The following ABCB4 variants were observed in gnomAD, a reference collection of about 807,000 sequenced individuals.
The protein encoded by ABCB4 is ATP binding cassette subfamily B member 4, also known as phosphatidylcholine translocator ABCB4.
In ABCB4, 76 loss-of-function variants were observed where a neutral mutation model predicts 145.7. The ratio of observed to expected loss-of-function variants is 0.52; its 90% CI spans 0.43 to 0.63. ABCB4 has a LOEUF of 0.63. Ranked by LOEUF, ABCB4 falls within the 30% of genes least tolerant of loss-of-function variation. The pLI is 0.00. For synonymous variants in ABCB4, 517 were observed against 566.8 expected, an observed-to-expected ratio of 0.91 and a Z score of 1.25; for missense variants, 1,234 against 1,553.1, an observed-to-expected ratio of 0.79 and a Z score of 3.45.
intron 4 of ABCB4, among the ~76,000 whole-genome samples, chr7:87,461,635 G>GA (rs1285374725): frequency 1.3e-5 from 2 of 151,932 alleles, no homozygotes; most frequent in Non-Finnish European, 2.9e-5. Context: ...TTATAAAGAG[G>GA]TTTTTTTCAG....
the ABCB4 span, among the ~76,000 whole-genome samples, chr7:87,388,225 A>G: frequency 1.3e-5 from 2 of 152,096 alleles, no homozygotes; most frequent in African/African-American, 2.4e-5. Flanking sequence ...ATTCGATGCT[A>G]TCTCCATCAA....
chr7:87,459,042 G>C (rs1204846345), intron 4 of ABCB4, among the ~76,000 whole-genome samples: 1 of 150,976 alleles, frequency 6.6e-6, no homozygotes, highest in African/African-American at 2.4e-5. Context: ...AATTATTCTG[G>C]TATTAGTAAA....
chr7:87,431,407 C>T lies in ABCB4; in HGVS notation c.1890G>A (p.Met630Ile), dbSNP rs760418164. Residue 630 changes from methionine to isoleucine, a missense_variant, in exon 15 of 28, where the codon ATG becomes ATA. Coordinates refer to ENST00000649586, the MANE Select transcript of ABCB4 (RefSeq NM_000443.4). ...KEGVYFKLVN[M>I]QTSGSQIQSE... ...AAAATTCCTGAAAAGCAAGTACCTG[C>T]ATGTTGACAAGTTTGAAGTACACCC... 7.4e-6 allele frequency: 12 copies of T among 1,614,066 alleles called. No individual in the cohort carries two copies. Among genetic ancestry groups the T allele is most frequent in the Non-Finnish European group, 1.0e-5 (12 of 1,179,946 alleles).
chr7:87,410,463 T>C (rs1808539489), intron 23 of ABCB4, among the ~76,000 whole-genome samples: 1 of 152,204 alleles, frequency 6.6e-6, no homozygotes, highest in Non-Finnish European at 1.5e-5. Context: ...TGTGGCTGCA[T>C]AGCTTCCCTG....
intron 14 of ABCB4, among the ~76,000 whole-genome samples, chr7:87,438,758 C>A (rs1562974612): frequency 6.6e-6 from 1 of 151,960 alleles, no homozygotes; most frequent in Non-Finnish European, 1.5e-5. Context: ...TAAAAAACAA[C>A]AAAAAGAGTC....
intron 7 of ABCB4, 48 bp from the exon 8 acceptor site, chr7:87,450,140 T>C (rs1258604316): frequency 3.1e-6 from 5 of 1,610,988 alleles, no homozygotes; most frequent in Non-Finnish European, 4.2e-6. Context: ...GAGAAAAGTT[T>C]AAAGGCACTC....
At chr7:87,391,597 G>A in the ABCB4 span, 2 of 1,592,938 alleles carry the variant, frequency 1.3e-6, no homozygotes, top group Non-Finnish European at 1.7e-6. Context: ...AGCCCTGGTT[G>A]TTGCTATGAA....
chr7:87,413,104 A>C (rs1408568063), intron 22 of ABCB4, among the ~76,000 whole-genome samples: 2 of 152,240 alleles, frequency 1.3e-5, no homozygotes, highest in African/African-American at 4.8e-5. Context: ...TGAGTGGCAA[A>C]TGGTGCCATT....
At position 87,402,052 on chromosome 7, in the gene ABCB4, T is replaced by C. The variant is rs1562944961; in HGVS notation, c.*44A>G. On this transcript the variant is annotated 3_prime_UTR_variant, in exon 28 of 28. Transcript: ENST00000649586. Reference sequence around the variant, plus strand: ...TTATTTTACAAGTCAGATAAAATGGTAGAATAATTTGAATTTATTTTTAAA... The same window carrying C: ...TTATTTTACAAGTCAGATAAAATGGCAGAATAATTTGAATTTATTTTTAAA... 6.2e-7 allele frequency: 1 copy of C among 1,603,648 alleles called. No individual in the cohort carries two copies. Among genetic ancestry groups the C allele is most frequent in the Admixed American group, 1.7e-5 (1 of 59,810 alleles).
chr7:87,408,245 G>A lies in ABCB4; in HGVS notation c.3082-11C>T. The A allele has an allele frequency of 5.6e-6, 9 of 1,609,948 alleles. No individual in the cohort carries two copies. Among genetic ancestry groups the A allele is most frequent in the Non-Finnish European group, 7.7e-6 (9 of 1,176,434 alleles). The stretch of plus-strand genomic sequence containing the variant: ...TCCTTCAAATTTATCCTGAATAAAT[G>A]TTTAAATGTTGCTATTATAATTGGC... On this transcript the variant is annotated splice_polypyrimidine_tract_variant and intron_variant, in intron 24 of 27. Coordinates refer to ENST00000649586, the MANE Select transcript of ABCB4 (RefSeq NM_000443.4).
At chr7:87,393,136 C>A in the ABCB4 span, 2 of 1,491,440 alleles carry the variant, frequency 1.3e-6, no homozygotes, top group Non-Finnish European at 1.8e-6. Context: ...TTTTTAAATG[C>A]CTTTCCTACA....
At chr7:87,431,336 T>C in intron 15 of ABCB4, 68 bp downstream of exon 15, 1 of 1,596,658 alleles carries the variant, frequency 6.3e-7, no homozygotes, top group Non-Finnish European at 8.6e-7. Flanking sequence ...CACTGGATCA[T>C]ATTTTAATAT....
At chr7:87,468,611 C>G (rs901279103) in intron 3 of ABCB4, among the ~76,000 whole-genome samples, 7 of 152,114 alleles carry the variant, frequency 4.6e-5, no homozygotes, top group Admixed American at 3.9e-4. Context: ...ATATCCCTGA[C>G]GAACATCAAT....
the ABCB4 span, chr7:87,377,265 T>G: frequency 4.7e-5 from 36 of 763,226 alleles, no homozygotes; most frequent in Non-Finnish European, 7.0e-5. Context: ...AGAGGAATGG[T>G]GAGATGATAT....
rs192664295 is a variant in ABCB4, at chr7:87,410,999, C to A, written c.2924+894G>T. ...CAGCTGGGTATTGCTGGGGTGTTAA[C>A]TTCCTTCTTGGGTACTGCTTACCTT... On this transcript the variant is annotated intron_variant, in intron 23 of 27. Transcript: ENST00000649586. Among the ~76,000 whole-genome samples, 5 of 152,274 alleles carry A rather than the reference C, an allele frequency of 3.3e-5. 1 individual carries two copies. The highest frequency in any genetic ancestry group is 6.5e-5 in the Admixed American group (1 of 15,298).
chr7:87,475,273 C>T (rs1476210428), intron 2 of ABCB4, 113 bp downstream of exon 2: 15 of 1,303,302 alleles, frequency 1.2e-5, no homozygotes, highest in Non-Finnish European at 1.6e-5. Flanking sequence ...AAGAAGCCTC[C>T]AAAACAAAGG....
chr7:87,423,798 A>T, intron 17 of ABCB4, 108 bp downstream of exon 17: 1 of 1,428,776 alleles, frequency 7.0e-7, no homozygotes. Flanking sequence ...GGCTTAGTTT[A>T]ATTTAAGGCT....
At chr7:87,390,247 T>C in the ABCB4 span, among the ~76,000 whole-genome samples, 1 of 152,206 alleles carries the variant, frequency 6.6e-6, no homozygotes, top group Non-Finnish European at 1.5e-5. Flanking sequence ...CTACTCCATC[T>C]TTTAAGATTA....
the ABCB4 span, among the ~76,000 whole-genome samples, chr7:87,376,970 G>A: frequency 7.0e-3 from 1,062 of 152,142 alleles, 13 homozygotes; most frequent in African/African-American, 0.024. Flanking sequence ...AGTAGGAAAC[G>A]AATTCTTAAA....
Sources: gnomAD v4.1 joint callset for allele counts (sites outside exome capture counted in the v4.1 genomes callset) on GRCh38, gnomAD v4.1.1 for gene constraint, MANE v1.5 for transcripts, NCBI Gene and HGNC (gene_info 2026-07-23, HGNC 2026-07-21) for gene names.